RUFY3: variants seen among roughly 807,000 people sequenced by gnomAD.
The protein encoded by RUFY3 is protein RUFY3.
A neutral mutation model predicts 84.0 loss-of-function variants in RUFY3; 34 were observed. That is an observed-to-expected ratio of 0.40 (90% CI 0.31 to 0.54). The LOEUF (loss-of-function observed/expected upper bound fraction) is 0.54, where lower values mean the gene tolerates loss of function less well. Among genes scored for constraint, RUFY3 ranks in the 20% least tolerant of loss-of-function variants. The pLI is 0.39. For synonymous variants in RUFY3, 242 were observed against 252.9 expected (o/e 0.96, Z 0.41); for missense variants, 507 against 736.8 (o/e 0.69, Z 3.61).
chr4:70,804,616 C>G (rs1221917635), intron 17 of RUFY3, among the ~76,000 whole-genome samples, 200 bp downstream of exon 17: 1 of 151,878 alleles, frequency 6.6e-6, no homozygotes, highest in Non-Finnish European at 1.5e-5. Flanking sequence ...CAGAAAATTC[C>G]CATTAAAATA....
At chr4:70,743,914 T>G (rs1042219194) in intron 1 of RUFY3, among the ~76,000 whole-genome samples, 24 of 152,232 alleles carry the variant, frequency 1.6e-4, no homozygotes, top group African/African-American at 5.3e-4. Context: ...ATCACAGTTA[T>G]GTAAAATTCC....
At chr4:70,710,724 C>T (rs1202243893) in intron 1 of RUFY3, among the ~76,000 whole-genome samples, 44 of 151,770 alleles carry the variant, frequency 2.9e-4, no homozygotes, top group Non-Finnish European at 7.4e-5. Flanking sequence ...GAATTGAACA[C>T]ATGTTTTTTG....
chr4:70,752,308 T>TTGTG (rs139830851), intron 1 of RUFY3, among the ~76,000 whole-genome samples: 22 of 151,640 alleles, frequency 1.5e-4, no homozygotes, highest in East Asian at 3.9e-4. Context: ...TGTACATACT[T>TTGTG]TGTGTGTGTG....
chr4:70,803,020 A>T lies in RUFY3; in HGVS notation c.1650+37A>T, dbSNP rs531145977. 321 of 1,567,540 alleles carry T rather than the reference A, an allele frequency of 2.0e-4. 4 individuals carry two copies. The South Asian group carries it at 3.2e-3, about 16-fold the overall frequency. Reference sequence around the variant, plus strand: ...TCCTGTTTCAAAACATCTTGTATGAATTATGAAGTTGGTTGTACCGTGCCT... The same window carrying T: ...TCCTGTTTCAAAACATCTTGTATGATTTATGAAGTTGGTTGTACCGTGCCT... On this transcript the variant is annotated intron_variant, in intron 16 of 17. Transcript: ENST00000381006.
intron 8 of RUFY3, among the ~76,000 whole-genome samples, chr4:70,779,844 A>G (rs1728607488): frequency 6.6e-6 from 1 of 151,914 alleles, no homozygotes; most frequent in Admixed American, 6.6e-5. Flanking sequence ...AAAGTGCTAG[A>G]ATAATAGGCA....
intron 1 of RUFY3, 128 bp downstream of exon 1, chr4:70,722,879 T>A (rs1237844717): frequency 2.4e-6 from 2 of 830,712 alleles, no homozygotes; most frequent in Non-Finnish European, 1.8e-6. Flanking sequence ...AAACCTTGCA[T>A]CCTTACTTAC....
chr4:70,748,435 T>C (rs1356373027), intron 1 of RUFY3, among the ~76,000 whole-genome samples: 1 of 152,244 alleles, frequency 6.6e-6, no homozygotes, highest in African/African-American at 2.4e-5. Flanking sequence ...TTTATTCATA[T>C]TACTTTTGGT....
intron 1 of RUFY3, among the ~76,000 whole-genome samples, chr4:70,708,523 T>G (rs968164989): frequency 2.6e-5 from 4 of 152,178 alleles, no homozygotes; most frequent in Non-Finnish European, 4.4e-5. Flanking sequence ...CCTCAATGCC[T>G]AGTGAATATT....
At chr4:70,757,475 A>G (rs896475371) in intron 1 of RUFY3, among the ~76,000 whole-genome samples, 1 of 151,994 alleles carries the variant, frequency 6.6e-6, no homozygotes, top group South Asian at 2.1e-4. Flanking sequence ...GTGGTGGCAC[A>G]TGCCTGTAAT....
intron 1 of RUFY3, among the ~76,000 whole-genome samples, chr4:70,714,735 T>C (rs939303975): frequency 6.6e-6 from 1 of 152,198 alleles, no homozygotes; most frequent in African/African-American, 2.4e-5. Flanking sequence ...AAATGCATAT[T>C]TCTTTGGTGG....
intron 14 of RUFY3, among the ~76,000 whole-genome samples, chr4:70,797,410 C>G (rs1731663774): frequency 6.6e-6 from 1 of 152,086 alleles, no homozygotes; most frequent in Non-Finnish European, 1.5e-5. Flanking sequence ...TTGAATACCT[C>G]TAGTATATAA....
At chr4:70,802,858 T>TACAAACA in intron 15 of RUFY3, 98 bp from the exon 16 acceptor site, 1 of 843,384 alleles carries the variant, frequency 1.2e-6, no homozygotes, top group East Asian at 2.5e-5. Context: ...ATTTCTTGTT[T>TACAAACA]GAAAAAAATG....
chr4:70,718,186 T>C (rs1241593592), upstream of RUFY3, among the ~76,000 whole-genome samples: 2 of 152,050 alleles, frequency 1.3e-5, no homozygotes, highest in African/African-American at 2.4e-5. Flanking sequence ...CCCAGCCCTT[T>C]ACATGGCATT....
chr4:70,743,347 C>G (rs139339561), intron 1 of RUFY3, among the ~76,000 whole-genome samples: 1 of 152,140 alleles, frequency 6.6e-6, no homozygotes, highest in South Asian at 2.1e-4. Flanking sequence ...GCTGGGATTA[C>G]AAGTGTGAAC....
chr4:70,705,330 A>C (rs1354612969), intron 1 of RUFY3: 112 of 1,312,096 alleles, frequency 8.5e-5, no homozygotes, highest in Non-Finnish European at 9.9e-5. Context: ...GCCCGCGGGG[A>C]AGGGAGCATT....
At chr4:70,754,835 T>TAGA (rs1241329333) in intron 1 of RUFY3, among the ~76,000 whole-genome samples, 1 of 152,108 alleles carries the variant, frequency 6.6e-6, no homozygotes, top group Non-Finnish European at 1.5e-5. Context: ...ATTCCCAACA[T>TAGA]AGAGTAAGCT....
chr4:70,731,800 T>C (rs1274693436), intron 1 of RUFY3, among the ~76,000 whole-genome samples: 1 of 152,132 alleles, frequency 6.6e-6, no homozygotes, highest in Admixed American at 6.5e-5. Flanking sequence ...ACTCTTGGGC[T>C]CAAGCGATCA....
At position 70,778,406 on chromosome 4, in the gene RUFY3, T is replaced by C; in HGVS notation, c.862T>C (p.Leu288=). Reference sequence around the variant, plus strand: ...CAACCTTCAGGCAAAAGTAGATGCATTAGAAAAATCCAACACTAAACTGAC... The same window carrying C: ...CAACCTTCAGGCAAAAGTAGATGCACTAGAAAAATCCAACACTAAACTGAC... The part of the protein sequence containing the change: ...VNNLQAKVDA[L]EKSNTKLTEE... Residue 288 remains leucine (L), a synonymous_variant, in exon 8 of 18, where the codon TTA becomes CTA. Coordinates refer to ENST00000381006, the MANE Select transcript of RUFY3 (RefSeq NM_001037442.4). 6.2e-7 allele frequency: 1 copy of C among 1,606,024 alleles called. No individual in the cohort carries two copies. Among genetic ancestry groups the C allele is most frequent in the Non-Finnish European group, 8.5e-7 (1 of 1,173,244 alleles).
intron 1 of RUFY3, among the ~76,000 whole-genome samples, chr4:70,709,298 C>T (rs533310696): frequency 6.6e-6 from 1 of 152,138 alleles, no homozygotes; most frequent in African/African-American, 2.4e-5. Context: ...TCTGCCATGC[C>T]TTTTAAAATT....
Sources: gnomAD v4.1 joint callset for allele counts (sites outside exome capture counted in the v4.1 genomes callset) on GRCh38, gnomAD v4.1.1 for gene constraint, MANE v1.5 for transcripts, NCBI Gene and HGNC (gene_info 2026-07-23, HGNC 2026-07-21) for gene names.